Variants in SNRPB2 observed in about 807,000 individuals in gnomAD.
The protein encoded by SNRPB2 is U2 small nuclear ribonucleoprotein B''.
A neutral mutation model predicts 26.3 loss-of-function variants in SNRPB2; 16 were observed. The observed-to-expected ratio is 0.61, with a 90% CI of 0.41 to 0.92. The LOEUF (loss-of-function observed/expected upper bound fraction) is 0.92, where lower values mean the gene tolerates loss of function less well. Ranked by LOEUF, SNRPB2 falls within the 40% of genes least tolerant of loss-of-function variation. SNRPB2 has a pLI of 0.00. For missense variants in SNRPB2, 179 were observed against 268.1 expected (o/e 0.67, Z 2.32); for synonymous variants, 75 against 89.0 (o/e 0.84, Z 0.88).
intron 5 of SNRPB2, 25 bp from the exon 6 acceptor site, chr20:16,740,300 A>T (rs1329509066): frequency 1.2e-6 from 2 of 1,607,288 alleles, no homozygotes; most frequent in Non-Finnish European, 1.7e-6. Flanking sequence ...TTACAAGCTA[A>T]CTTTGCCTTT....
In SNRPB2 at chr20:16,731,745, A is replaced by G. The variant is rs747858296; in HGVS notation, c.43A>G (p.Asn15Asp). 8 of 1,612,424 alleles carry G rather than the reference A, an allele frequency of 5.0e-6. No homozygotes were observed. Among genetic ancestry groups the G allele is most frequent in the Non-Finnish European group, 6.8e-6 (8 of 1,178,974 alleles). The change falls in exon 2 of 7, where the codon AAT (asparagine) becomes GAT (aspartate). Residue 15 changes from asparagine (N) to aspartate (D), a missense_variant. Asn to Asp is a conservative substitution (Grantham distance 23). Transcript: ENST00000246071. ...PNHTIYINNM[N>D]DKIKKEELKR... ...TCATACAATTTATATCAACAATATG[A>G]ATGACAAAATTAAAAAGGAAGGTAA...
In SNRPB2 at chr20:16,742,423, G is replaced by C. The variant is rs138910697; in HGVS notation, c.*1418G>C. ...GTGGCTCACCTGGGGTGAGAATGAGGGGGGTGAATAGTAAGAGGGGTCGTG... is the reference window on the plus strand; with the variant it reads ...GTGGCTCACCTGGGGTGAGAATGAGCGGGGTGAATAGTAAGAGGGGTCGTG... On this transcript the variant is annotated 3_prime_UTR_variant, in exon 7 of 7. Transcript: ENST00000246071. The C allele has an allele frequency of 6.6e-6, 1 of 152,114 alleles. No homozygotes were observed. Among genetic ancestry groups the C allele is most frequent in the East Asian group, 1.9e-4 (1 of 5,190 alleles). 9.4% of individuals were successfully genotyped at this position (152,114 alleles called of 1,614,324 possible).
intron 3 of SNRPB2, among the ~76,000 whole-genome samples, chr20:16,736,141 A>G (rs1358513213): frequency 6.6e-6 from 1 of 152,242 alleles, no homozygotes; most frequent in African/African-American, 2.4e-5. Context: ...CATCAATACG[A>G]TGAAATACTA....
chr20:16,738,315 G>A (rs1298870706), intron 4 of SNRPB2, among the ~76,000 whole-genome samples: 1 of 151,702 alleles, frequency 6.6e-6, no homozygotes, highest in African/African-American at 2.4e-5. Flanking sequence ...GGTGGTGGAT[G>A]CCTGTAATCC....
At chr20:16,733,558 G>A (rs923928082) in intron 3 of SNRPB2, among the ~76,000 whole-genome samples, 7 of 152,104 alleles carry the variant, frequency 4.6e-5, no homozygotes, top group Admixed American at 2.0e-4. Flanking sequence ...TTTTTTTTCT[G>A]CATTACAGGT....
rs1238781648 is a variant in SNRPB2 at position 16,741,586 on chromosome 20, T to C, written c.*581T>C. The C allele has an allele frequency of 6.6e-6, 1 of 152,246 alleles. No individual in the cohort carries two copies. The highest frequency in any genetic ancestry group is 1.9e-4 in the East Asian group (1 of 5,198). The allele number at this position is 152,246 out of a possible 1,614,324, so 9.4% of individuals were successfully genotyped here. ...AATAAAGGCTGTTCTTACTGTTTACTGAGAAAACAGAAAGGGAATGCTATC... is the reference window on the plus strand; with the variant it reads ...AATAAAGGCTGTTCTTACTGTTTACCGAGAAAACAGAAAGGGAATGCTATC... On this transcript the variant is annotated 3_prime_UTR_variant, in exon 7 of 7. Transcript: ENST00000246071.
Position 16,739,905 on chromosome 20 carries a change from A to T in SNRPB2, c.430-420A>T, listed in dbSNP as rs1019208636. ...CTCGGTGGTAATCTTTCTAGTTCCAATTTTTTTTTTTTTTTTTAGTATGCT... is the reference window on the plus strand; with the variant it reads ...CTCGGTGGTAATCTTTCTAGTTCCATTTTTTTTTTTTTTTTTTAGTATGCT... On this transcript the variant is annotated intron_variant, in intron 5 of 6. Transcript: ENST00000246071. 1.7e-4 allele frequency among the ~76,000 whole-genome samples: 24 copies of T among 139,372 alleles called. No homozygotes were observed. The Middle Eastern group carries it at 0.011, about 65-fold the overall frequency. 91.4% of individuals were successfully genotyped at this position (139,372 alleles called of 152,430 possible). A position where few individuals can be genotyped will look rare whatever the true frequency, so the allele number is the denominator to read the frequency against.
chr20:16,734,375 G>A (rs1024890903), intron 3 of SNRPB2, among the ~76,000 whole-genome samples: 3 of 152,012 alleles, frequency 2.0e-5, no homozygotes, highest in Non-Finnish European at 1.5e-5. Context: ...CCAACATACC[G>A]ATCAGAAATG....
chr20:16,730,078 C>G lies in SNRPB2; in HGVS notation c.-122C>G, dbSNP rs1013625344. The G allele has an allele frequency of 9.8e-5, 15 of 152,478 alleles. No individual in the cohort carries two copies. The highest frequency in any genetic ancestry group is 3.6e-4 in the African/African-American group (15 of 41,450). The allele number at this position is 152,478 out of a possible 1,614,324, so 9.4% of individuals were successfully genotyped here. ...CGTAGGCCTTAGGTGGGTTCGTGCG[C>G]CTTCTACCTCGCTGTTTCGGTTTTC... On this transcript the variant is annotated 5_prime_UTR_variant, in exon 1 of 7. Transcript: ENST00000246071.
At chr20:16,733,810 C>T (rs1254332502) in intron 3 of SNRPB2, among the ~76,000 whole-genome samples, 2 of 152,154 alleles carry the variant, frequency 1.3e-5, no homozygotes, top group Non-Finnish European at 2.9e-5. Context: ...CTCTATCCAG[C>T]TCTCCTTTTC....
chr20:16,740,419 T>C lies in SNRPB2; in HGVS notation c.518+6T>C. 1 of 1,610,422 alleles carries C rather than the reference T, an allele frequency of 6.2e-7. No homozygotes were observed. Among genetic ancestry groups the C allele is most frequent in the Non-Finnish European group, 8.5e-7 (1 of 1,178,310 alleles). On this transcript the variant is annotated splice_donor_region_variant and intron_variant, in intron 6 of 6. Transcript: ENST00000246071. ...TTATCCATGCTGTTTAATCAGTAAG[T>C]TTTTTCATAAATAAGTCTGTTTCTG...
chr20:16,732,210 G>A lies in SNRPB2; in HGVS notation c.111G>A (p.Val37=). ...CCCTGTTTTCTCAGTTTGGTCATGT[G>A]GTGGACATTGTGGCTTTAAAGACCA... ...LYALFSQFGH[V]VDIVALKTMK... Residue 37 remains valine (V), a synonymous_variant, in exon 3 of 7, where the codon GTG becomes GTA. Transcript: ENST00000246071. The A allele has an allele frequency of 6.2e-7, 1 of 1,605,298 alleles. No individual in the cohort carries two copies. The highest frequency in any genetic ancestry group is 8.5e-7 in the Non-Finnish European group (1 of 1,174,040).
intron 2 of SNRPB2, 103 bp downstream of exon 2, chr20:16,731,869 C>T: frequency 2.0e-6 from 3 of 1,524,814 alleles, no homozygotes; most frequent in Non-Finnish European, 1.8e-6. Flanking sequence ...CATCTTAGTG[C>T]CTGAAATAAT....
At chr20:16,740,293 C>A (rs1385318624) in intron 5 of SNRPB2, 32 bp from the exon 6 acceptor site, 1 of 1,605,674 alleles carries the variant, frequency 6.2e-7, no homozygotes, top group Non-Finnish European at 8.5e-7. Flanking sequence ...TTTAAACTTA[C>A]AAGCTAACTT....
Position 16,741,879 on chromosome 20 carries a change from C to G in SNRPB2, c.*874C>G, listed in dbSNP as rs2072465010. Reference sequence around the variant, plus strand: ...TGTTTAAGGCTATTGATTCAGTCCTCTGCTGAGTAAACCATGGGTATCTCC... The same window carrying G: ...TGTTTAAGGCTATTGATTCAGTCCTGTGCTGAGTAAACCATGGGTATCTCC... On this transcript the variant is annotated 3_prime_UTR_variant, in exon 7 of 7. Transcript: ENST00000246071. 6.6e-6 allele frequency: 1 copy of G among 152,178 alleles called. No individual in the cohort carries two copies. The highest frequency in any genetic ancestry group is 2.4e-5 in the African/African-American group (1 of 41,440). The allele number at this position is 152,178 out of a possible 1,614,324, so 9.4% of individuals were successfully genotyped here. A position where few individuals can be genotyped will look rare whatever the true frequency, so the allele number is the denominator to read the frequency against.
At chr20:16,737,422 T>A (rs2072433600) in intron 4 of SNRPB2, 21 bp downstream of exon 4, 1 of 1,568,816 alleles carries the variant, frequency 6.4e-7, no homozygotes, top group African/African-American at 1.4e-5. Flanking sequence ...CCAAGAAAGT[T>A]CCTGTTTGTA....
chr20:16,739,240 A>G (rs1036309750), intron 5 of SNRPB2, among the ~76,000 whole-genome samples: 4 of 152,212 alleles, frequency 2.6e-5, no homozygotes, highest in African/African-American at 9.6e-5. Flanking sequence ...GGTAAGGGTA[A>G]CTGGCAGGGT....
chr20:16,732,421 G>T, intron 3 of SNRPB2, 85 bp downstream of exon 3: 2 of 727,556 alleles, frequency 2.7e-6, no homozygotes, highest in African/African-American at 1.8e-5. Flanking sequence ...TTGAAACTGT[G>T]GCTATTGCTT....
chr20:16,738,056 A>G (rs1185828934), intron 4 of SNRPB2, among the ~76,000 whole-genome samples: 1 of 151,310 alleles, frequency 6.6e-6, no homozygotes, highest in Non-Finnish European at 1.5e-5. Context: ...AAAAAAGAAA[A>G]AAAAAAACCC....
Sources: gnomAD v4.1 joint callset for allele counts (sites outside exome capture counted in the v4.1 genomes callset) on GRCh38, gnomAD v4.1.1 for gene constraint, MANE v1.5 for transcripts, NCBI Gene and HGNC (gene_info 2026-07-23, HGNC 2026-07-21) for gene names.